SLC60A1: variants seen among roughly 807,000 people sequenced by gnomAD.
The protein encoded by SLC60A1 is major facilitator superfamily domain containing 4.
At chr1:205,586,996 C>T in the SLC60A1 span, among the ~76,000 whole-genome samples, 21 of 152,258 alleles carry the variant, frequency 1.4e-4, no homozygotes, top group African/African-American at 4.3e-4. Flanking sequence ...CTCTGCCTAG[C>T]GCTAGGTGAT....
the SLC60A1 span, chr1:205,592,066 G>A: frequency 1.3e-6 from 2 of 1,581,660 alleles, no homozygotes; most frequent in Non-Finnish European, 1.7e-6. Context: ...AGGAGACGCC[G>A]ACTCCTGGCG....
At chr1:205,583,833 G>A in the SLC60A1 span, 2 of 1,308,386 alleles carry the variant, frequency 1.5e-6, no homozygotes, top group Non-Finnish European at 2.0e-6. Context: ...GCTTTTAGCT[G>A]GGCACCCTTA....
the SLC60A1 span, chr1:205,580,623 A>ACCCCCC: frequency 6.4e-6 from 10 of 1,570,422 alleles, no homozygotes; most frequent in Admixed American, 3.4e-5. The surrounding 1 kb of genome is among the most constrained non-coding windows in gnomAD (Gnocchi z 5.0). Flanking sequence ...CTGAAGACTG[A>ACCCCCC]CCCCCACCCC....
the SLC60A1 span, chr1:205,591,899 T>C: frequency 4.1e-6 from 2 of 490,084 alleles, no homozygotes; most frequent in African/African-American, 3.9e-5. Context: ...TTAGGGGAGA[T>C]GTCTAGGTGG....
At chr1:205,597,989 C>T in the SLC60A1 span, 37 of 836,652 alleles carry the variant, frequency 4.4e-5, no homozygotes, top group Non-Finnish European at 6.6e-5. Context: ...CCCCCTGTGC[C>T]GTTGTTACCT....
chr1:205,597,373 G>GTTTTTTGTTTTTTT, the SLC60A1 span, among the ~76,000 whole-genome samples: 3 of 37,228 alleles, frequency 8.1e-5, no homozygotes, highest in Non-Finnish European at 7.0e-5. Context: ...AACCTAGGTT[G>GTTTTTTGTTTTTTT]TTTTTTTTTT....
chr1:205,589,075 T>G, the SLC60A1 span, among the ~76,000 whole-genome samples: 3 of 152,104 alleles, frequency 2.0e-5, no homozygotes, highest in Non-Finnish European at 1.5e-5. Context: ...TTCCCCAAAT[T>G]TAGGGATTTT....
the SLC60A1 span, chr1:205,597,761 A>C: frequency 4.3e-6 from 7 of 1,613,288 alleles, no homozygotes; most frequent in Admixed American, 1.0e-4. Flanking sequence ...TACCAAACCA[A>C]ACCTTCTCTT....
chr1:205,584,909 A>T, the SLC60A1 span: 1 of 1,614,078 alleles, frequency 6.2e-7, no homozygotes. Context: ...TGCCAAAGGA[A>T]GAACCTCAGA....
the SLC60A1 span, among the ~76,000 whole-genome samples, chr1:205,593,599 A>G: frequency 6.6e-6 from 1 of 152,138 alleles, no homozygotes; most frequent in Non-Finnish European, 1.5e-5. Flanking sequence ...GCCCCAGACA[A>G]TTTTAGCACA....
the SLC60A1 span, among the ~76,000 whole-genome samples, chr1:205,596,641 G>A: frequency 6.8e-6 from 1 of 147,784 alleles, no homozygotes; most frequent in African/African-American, 2.5e-5. Context: ...GTGAAGATGT[G>A]TGCTGAAGCC....
chr1:205,574,812 C>T, the SLC60A1 span, among the ~76,000 whole-genome samples: 1 of 152,314 alleles, frequency 6.6e-6, no homozygotes, highest in East Asian at 1.9e-4. Flanking sequence ...GGAGCACGCC[C>T]TGTGTGCCTA....
At chr1:205,578,653 C>T in the SLC60A1 span, among the ~76,000 whole-genome samples, 3 of 152,296 alleles carry the variant, frequency 2.0e-5, no homozygotes, top group East Asian at 1.9e-4. Flanking sequence ...GGGGCAGAAG[C>T]TCTGGGAAGA....
chr1:205,580,558 G>A, the SLC60A1 span: 7 of 1,429,404 alleles, frequency 4.9e-6, no homozygotes, highest in Non-Finnish European at 6.7e-6. This position sits in a 1 kb window ranked among gnomAD's most constrained non-coding sequence, Gnocchi z 5.0. Context: ...GGGGCTGGGG[G>A]AGGGGGCTCA....
At chr1:205,600,397 CT>C in the SLC60A1 span, 1 of 1,613,588 alleles carries the variant, frequency 6.2e-7, no homozygotes, top group Non-Finnish European at 8.5e-7. Context: ...TTTTGTTTTT[CT>C]TTTGTAGTTC....
At chr1:205,582,309 G>A in the SLC60A1 span, among the ~76,000 whole-genome samples, 1 of 152,228 alleles carries the variant, frequency 6.6e-6, no homozygotes, top group African/African-American at 2.4e-5. Flanking sequence ...GACTTTGTTT[G>A]CTGCAGGATT....
the SLC60A1 span, among the ~76,000 whole-genome samples, chr1:205,570,369 C>T: frequency 1.3e-5 from 2 of 152,216 alleles, no homozygotes; most frequent in African/African-American, 4.8e-5. Flanking sequence ...GTCGAGCAAG[C>T]AGCCGGCCTG....
chr1:205,598,410 T>C, the SLC60A1 span: 1 of 152,864 alleles, frequency 6.5e-6, no homozygotes, highest in Non-Finnish European at 1.5e-5. Context: ...TATTCCCCTT[T>C]TTACAACAGA....
the SLC60A1 span, among the ~76,000 whole-genome samples, chr1:205,587,942 T>C: frequency 6.6e-6 from 1 of 152,128 alleles, no homozygotes; most frequent in East Asian, 1.9e-4. Flanking sequence ...CATCCACATA[T>C]GTTAGGCATT....
Sources: gnomAD v4.1 joint callset for allele counts (sites outside exome capture counted in the v4.1 genomes callset) on GRCh38, gnomAD v4.1.1 for gene constraint, Gnocchi (gnomAD v3.1) non-coding constraint, MANE v1.5 for transcripts, NCBI Gene and HGNC (gene_info 2026-07-23, HGNC 2026-07-21) for gene names.